Variants in FAM117B observed in about 807,000 individuals in gnomAD.
FAM117B encodes the protein protein FAM117B.
Under a neutral mutation model 52.8 loss-of-function variants are expected in FAM117B, and 22 were observed. That is an observed-to-expected ratio of 0.42 (90% confidence interval 0.30 to 0.59). FAM117B has a LOEUF of 0.59. Among genes scored for constraint, FAM117B ranks in the 20% least tolerant of loss-of-function variants. FAM117B has a pLI of 0.22. For missense variants in FAM117B, 678 were observed against 802.6 expected (o/e 0.84, Z 1.88); for synonymous variants, 309 against 324.1 (o/e 0.95, Z 0.50).
chr2:202,683,775 A>AATTTAT (rs1271939947), intron 1 of FAM117B, among the ~76,000 whole-genome samples: 1 of 152,238 alleles, frequency 6.6e-6, no homozygotes, highest in Non-Finnish European at 1.5e-5. Flanking sequence ...TTAAGAAAAT[A>AATTTAT]GAAGAGATAA....
chr2:202,700,701 T>A (rs1574561364), intron 2 of FAM117B, among the ~76,000 whole-genome samples: 1 of 151,856 alleles, frequency 6.6e-6, no homozygotes, highest in East Asian at 1.9e-4. Flanking sequence ...TTTTTTTTTT[T>A]TTTGAGATGG....
intron 7 of FAM117B, 51 bp from the exon 8 acceptor site, chr2:202,765,395 T>G: frequency 1.4e-6 from 2 of 1,466,716 alleles, no homozygotes; most frequent in Non-Finnish European, 1.8e-6. Context: ...TTTTTTTTTA[T>G]TTTTTAAGTT....
At chr2:202,714,538 T>TC (rs1252860835) in intron 2 of FAM117B, among the ~76,000 whole-genome samples, 9 of 146,054 alleles carry the variant, frequency 6.2e-5, no homozygotes, top group Non-Finnish European at 1.3e-4. Flanking sequence ...TTTTTCTTTT[T>TC]TTTTTTTTTT....
chr2:202,741,445 AAGAATT>A (rs1691535811), intron 4 of FAM117B, among the ~76,000 whole-genome samples: 1 of 135,438 alleles, frequency 7.4e-6, no homozygotes, highest in Non-Finnish European at 1.6e-5. Context: ...AAAAAAAAAA[AAGAATT>A]GGTGATGAAG....
At chr2:202,717,579 C>G (rs1006496287) in intron 2 of FAM117B, among the ~76,000 whole-genome samples, 2 of 152,174 alleles carry the variant, frequency 1.3e-5, no homozygotes, top group African/African-American at 4.8e-5. Flanking sequence ...ACTGCCTTGA[C>G]AATGTTGATG....
chr2:202,724,764 A>G (rs1188246955), intron 2 of FAM117B, among the ~76,000 whole-genome samples, 153 bp from the exon 3 acceptor site: 3 of 152,194 alleles, frequency 2.0e-5, no homozygotes. Context: ...CAGTTAAGTA[A>G]CTGGTGCCAG....
chr2:202,635,797 TG>T lies in FAM117B; in HGVS notation c.601+14del. 1 of 1,431,410 alleles carries T rather than the reference TG, an allele frequency of 7.0e-7. No individual in the cohort carries two copies. The highest frequency in any genetic ancestry group is 9.1e-7 in the Non-Finnish European group (1 of 1,093,494). The allele number at this position is 1,431,410 out of a possible 1,614,324, so 88.7% of individuals were successfully genotyped here. ...CCCGGTTTGCAAAGCAGGTAAGTGC[TG>T]GGGGTCGCGCAGCAAGGGGGAGGCG... is the stretch of plus-strand genomic sequence containing the variant. On this transcript the variant is annotated intron_variant, in intron 1 of 7. Coordinates refer to ENST00000392238, the MANE Select transcript of FAM117B (RefSeq NM_173511.4).
chr2:202,737,776 A>G (rs1194953184), intron 4 of FAM117B, among the ~76,000 whole-genome samples: 4 of 151,640 alleles, frequency 2.6e-5, no homozygotes, highest in African/African-American at 9.7e-5. Flanking sequence ...TAATTTTTGT[A>G]TTTTTCGTAG....
Position 202,635,789 on chromosome 2 carries a change from G to T in FAM117B, c.601+1G>T. 3 of 1,449,366 alleles carry T rather than the reference G, an allele frequency of 2.1e-6. No homozygotes were observed. Among genetic ancestry groups the T allele is most frequent in the East Asian group, 3.1e-5 (1 of 32,332 alleles). The allele number at this position is 1,449,366 out of a possible 1,614,324, so 89.8% of individuals were successfully genotyped here. A position where few individuals can be genotyped will look rare whatever the true frequency, so the allele number is the denominator to read the frequency against. Reference sequence around the variant, plus strand: ...CCCAGCGCCCCGGTTTGCAAAGCAGGTAAGTGCTGGGGGTCGCGCAGCAAG... The same window carrying T: ...CCCAGCGCCCCGGTTTGCAAAGCAGTTAAGTGCTGGGGGTCGCGCAGCAAG... On this transcript the variant is annotated splice_donor_variant, in intron 1 of 7. Coordinates refer to ENST00000392238, the MANE Select transcript of FAM117B (RefSeq NM_173511.4). LOFTEE classifies it high-confidence loss of function.
At chr2:202,713,998 C>T (rs568294657) in intron 2 of FAM117B, among the ~76,000 whole-genome samples, 4 of 152,314 alleles carry the variant, frequency 2.6e-5, no homozygotes, top group South Asian at 4.1e-4. Flanking sequence ...TGAGCCACTG[C>T]GCCTGGCCCT....
chr2:202,749,251 T>C (rs1000823347), intron 4 of FAM117B, among the ~76,000 whole-genome samples: 2 of 152,180 alleles, frequency 1.3e-5, no homozygotes, highest in African/African-American at 4.8e-5. Flanking sequence ...TATTTACATA[T>C]GTGTGCAAAT....
chr2:202,673,433 G>GTTTTTTTTTTTTTTT lies in FAM117B; in HGVS notation c.602-22430_602-22416dup, dbSNP rs1158185300. Among the ~76,000 whole-genome samples the GTTTTTTTTTTTTTTT allele has an allele frequency of 8.0e-4, 30 of 37,540 alleles. 6 individuals are homozygous for GTTTTTTTTTTTTTTT. The highest frequency in any genetic ancestry group is 2.9e-3 in the African/African-American group (19 of 6,448). 24.6% of individuals were successfully genotyped at this position (37,540 alleles called of 152,430 possible). ...TAGCCTACCCTATTTTTCTTTTTCT[G>GTTTTTTTTTTTTTTT]TTTTTTTTTTTTTTTTTTTTTTTTT... On this transcript the variant is annotated intron_variant, in intron 1 of 7. Coordinates refer to ENST00000392238, the MANE Select transcript of FAM117B (RefSeq NM_173511.4).
At chr2:202,694,338 C>T (rs1690677353) in intron 1 of FAM117B, among the ~76,000 whole-genome samples, 1 of 151,326 alleles carries the variant, frequency 6.6e-6, no homozygotes, top group African/African-American at 2.4e-5. Flanking sequence ...TTACAGGCGC[C>T]CGCCACCACA....
intron 7 of FAM117B, 26 bp downstream of exon 7, chr2:202,759,379 C>CAAAAAAAA (rs1574307117): frequency 6.3e-7 from 1 of 1,584,334 alleles, no homozygotes; most frequent in Admixed American, 1.9e-5. Flanking sequence ...ACCATCCCCA[C>CAAAAAAAA]AAAAAAACTA....
intron 2 of FAM117B, among the ~76,000 whole-genome samples, chr2:202,711,859 A>G (rs1300575295): frequency 2.0e-5 from 3 of 152,086 alleles, no homozygotes; most frequent in Non-Finnish European, 4.4e-5. Context: ...CTGTAGATGT[A>G]TGGATTTATC....
chr2:202,679,167 A>G (rs1364782457), intron 1 of FAM117B, among the ~76,000 whole-genome samples: 1 of 152,178 alleles, frequency 6.6e-6, no homozygotes, highest in African/African-American at 2.4e-5. Flanking sequence ...TCAAACAACT[A>G]TTTTTTAGAT....
chr2:202,669,705 A>G (rs1205404761), intron 1 of FAM117B, among the ~76,000 whole-genome samples: 1 of 152,232 alleles, frequency 6.6e-6, no homozygotes, highest in Non-Finnish European at 1.5e-5. Flanking sequence ...CATCTTTCAG[A>G]ACAAAAATAT....
intron 1 of FAM117B, among the ~76,000 whole-genome samples, chr2:202,655,759 A>AGAGT (rs1456828984): frequency 8.2e-6 from 1 of 122,032 alleles, no homozygotes; most frequent in African/African-American, 3.0e-5. Context: ...AGAGAGAGAG[A>AGAGT]GAGTGTGTGT....
At chr2:202,743,246 A>G (rs1691576911) in intron 4 of FAM117B, among the ~76,000 whole-genome samples, 1 of 152,076 alleles carries the variant, frequency 6.6e-6, no homozygotes, top group African/African-American at 2.4e-5. Context: ...TTCACTGACA[A>G]CTCCAGCTTA....
Sources: allele counts gnomAD v4.1 joint callset (sites outside exome capture counted in the v4.1 genomes callset), GRCh38; gene constraint gnomAD v4.1.1; transcripts MANE v1.5; gene names NCBI Gene and HGNC (gene_info 2026-07-23, HGNC 2026-07-21).